DNAL1: variants seen among roughly 807,000 people sequenced by gnomAD.
The protein encoded by DNAL1 is chromosome 14 open reading frame 168.
Under a neutral mutation model 29.4 loss-of-function variants are expected in DNAL1, and 17 were observed. The ratio of observed to expected loss-of-function variants is 0.58; its 90% CI spans 0.40 to 0.87. The LOEUF is 0.87. Ranked by LOEUF, DNAL1 falls within the 40% of genes least tolerant of loss-of-function variation. The pLI is 0.00. For missense variants in DNAL1, 188 were observed against 214.1 expected, an observed-to-expected ratio of 0.88 and a Z score of 0.76; for synonymous variants, 78 against 76.3, an observed-to-expected ratio of 1.02 and a Z score of -0.12.
chr14:73,662,148 CTTG>C, intron 4 of DNAL1, 106 bp downstream of exon 4: 1 of 953,296 alleles, frequency 1.0e-6, no homozygotes, highest in South Asian at 1.6e-5. Context: ...TTTAGCCATA[CTTG>C]TTGTCAGATA....
intron 6 of DNAL1, 88 bp downstream of exon 6, chr14:73,687,473 T>C: frequency 7.2e-7 from 1 of 1,391,222 alleles, no homozygotes; most frequent in Non-Finnish European, 9.4e-7. Context: ...CGAGAACGTT[T>C]ATTTCTAAGC....
At chr14:73,665,316 A>G (rs1210731294) in intron 4 of DNAL1, among the ~76,000 whole-genome samples, 1 of 152,066 alleles carries the variant, frequency 6.6e-6, no homozygotes, top group Non-Finnish European at 1.5e-5. Flanking sequence ...TGTCTATTCT[A>G]ATTTTTTGCT....
At chr14:73,661,033 G>T (rs1039061857) in intron 3 of DNAL1, among the ~76,000 whole-genome samples, 7 of 152,048 alleles carry the variant, frequency 4.6e-5, no homozygotes, top group African/African-American at 1.7e-4. Context: ...TACCTGACTC[G>T]CACACTCATA....
At chr14:73,693,619 G>A (rs1892226786) in intron 7 of DNAL1, among the ~76,000 whole-genome samples, 1 of 152,146 alleles carries the variant, frequency 6.6e-6, no homozygotes, top group South Asian at 2.1e-4. Context: ...GCTGAGGCAG[G>A]AAGATTGCTT....
chr14:73,657,006 A>G (rs1290710589), intron 2 of DNAL1, among the ~76,000 whole-genome samples: 1 of 151,688 alleles, frequency 6.6e-6, no homozygotes, highest in Non-Finnish European at 1.5e-5. Flanking sequence ...CTGGTCTCAA[A>G]CTCCTGAGCT....
rs137963820 is a variant in DNAL1 at position 73,702,420 on chromosome 14, G to A, written c.*6478G>A. On this transcript the variant is annotated 3_prime_UTR_variant, in exon 8 of 8. Transcript: ENST00000553645. Reference sequence around the variant, plus strand: ...CCCAAAGAGCTAGGATTACAGGCACGAGCCACCGCGCACGGCCAGAGGCAT... The same window carrying A: ...CCCAAAGAGCTAGGATTACAGGCACAAGCCACCGCGCACGGCCAGAGGCAT... 19 of 152,198 alleles carry A rather than the reference G, an allele frequency of 1.2e-4. No individual in the cohort carries two copies. The highest frequency in any genetic ancestry group is 4.6e-4 in the African/African-American group (19 of 41,524). 9.4% of individuals were successfully genotyped at this position (152,198 alleles called of 1,614,324 possible).
At position 73,701,673 on chromosome 14, in the gene DNAL1, G is replaced by A. The variant is rs1160467345; in HGVS notation, c.*5731G>A. The A allele has an allele frequency of 6.6e-6, 1 of 152,254 alleles. No individual in the cohort carries two copies. Among genetic ancestry groups the A allele is most frequent in the Non-Finnish European group, 1.5e-5 (1 of 68,046 alleles). The allele number at this position is 152,254 out of a possible 1,614,324, so 9.4% of individuals were successfully genotyped here. A position where few individuals can be genotyped will look rare whatever the true frequency, so the allele number is the denominator to read the frequency against. On this transcript the variant is annotated 3_prime_UTR_variant, in exon 8 of 8. Coordinates refer to ENST00000553645, the MANE Select transcript of DNAL1 (RefSeq NM_031427.4). Reference sequence around the variant, plus strand: ...CCATCAAAAGACTGGTGAGTTGGAAGCTAAGAGCACATGCGCATAGCCAGC... The same window carrying A: ...CCATCAAAAGACTGGTGAGTTGGAAACTAAGAGCACATGCGCATAGCCAGC...
chr14:73,683,043 A>G (rs2140054446), intron 5 of DNAL1, among the ~76,000 whole-genome samples: 1 of 151,922 alleles, frequency 6.6e-6, no homozygotes, highest in South Asian at 2.1e-4. Context: ...CGCCCAGCTA[A>G]TGTTGTATTT....
intron 4 of DNAL1, among the ~76,000 whole-genome samples, chr14:73,668,827 C>A (rs1399422817): frequency 6.6e-6 from 1 of 152,136 alleles, no homozygotes; most frequent in Non-Finnish European, 1.5e-5. Flanking sequence ...CAGGGACACA[C>A]CACCATGCCC....
At chr14:73,685,460 A>T (rs1328135683) in intron 5 of DNAL1, among the ~76,000 whole-genome samples, 9 of 139,604 alleles carry the variant, frequency 6.4e-5, no homozygotes, top group African/African-American at 2.1e-4. Context: ...TTTCTGCTTA[A>T]TTTTTTTTTT....
intron 1 of DNAL1, among the ~76,000 whole-genome samples, chr14:73,648,907 A>G (rs1174799034): frequency 6.7e-6 from 1 of 149,858 alleles, no homozygotes; most frequent in Admixed American, 6.7e-5. Flanking sequence ...ATATATATTA[A>G]TTATTATAAA....
At chr14:73,649,491 C>A (rs1214155750) in intron 1 of DNAL1, among the ~76,000 whole-genome samples, 1 of 150,940 alleles carries the variant, frequency 6.6e-6, no homozygotes, top group East Asian at 1.9e-4. Flanking sequence ...ACCATGATAG[C>A]CAGGATGGTC....
intron 3 of DNAL1, among the ~76,000 whole-genome samples, chr14:73,661,225 C>T (rs1891348608): frequency 6.6e-6 from 1 of 152,094 alleles, no homozygotes; most frequent in African/African-American, 2.4e-5. Flanking sequence ...TAGACATCTT[C>T]CCAAGTCGGT....
intron 5 of DNAL1, among the ~76,000 whole-genome samples, chr14:73,681,138 CT>C (rs766619134): frequency 9.9e-4 from 139 of 140,082 alleles, no homozygotes; most frequent in Non-Finnish European, 1.0e-3. Context: ...TGTTTTTTTG[CT>C]TTTTTTTTTT....
At chr14:73,694,385 G>A (rs1892249287) in intron 7 of DNAL1, among the ~76,000 whole-genome samples, 2 of 152,164 alleles carry the variant, frequency 1.3e-5, no homozygotes, top group South Asian at 4.1e-4. Flanking sequence ...GAGTTTGGGA[G>A]ACGATGAACT....
intron 4 of DNAL1, among the ~76,000 whole-genome samples, chr14:73,667,270 T>C (rs1891509357): frequency 1.3e-5 from 2 of 149,612 alleles, no homozygotes; most frequent in African/African-American, 4.9e-5. Context: ...AAGACCAGCC[T>C]AGCCAACATG....
At position 73,661,950 on chromosome 14, in the gene DNAL1, A is replaced by G. The variant is rs1300199602; in HGVS notation, c.153-37A>G. Reference sequence around the variant, plus strand: ...GAATAATTTCTGATTTACCATTTACATTTTTCACATTAAATTTTTTCTTTG... The same window carrying G: ...GAATAATTTCTGATTTACCATTTACGTTTTTCACATTAAATTTTTTCTTTG... On this transcript the variant is annotated intron_variant, in intron 3 of 7. Transcript: ENST00000553645. The G allele has an allele frequency of 3.5e-6, 5 of 1,419,950 alleles. No individual in the cohort carries two copies. In the South Asian group the frequency reaches 6.5e-5, roughly 18 times the overall value. The allele number at this position is 1,419,950 out of a possible 1,614,324, so 88.0% of individuals were successfully genotyped here.
At chr14:73,687,545 A>G (rs558773547) in intron 6 of DNAL1, among the ~76,000 whole-genome samples, 160 bp downstream of exon 6, 1 of 152,340 alleles carries the variant, frequency 6.6e-6, no homozygotes, top group South Asian at 2.1e-4. Flanking sequence ...AGGAGTTTCT[A>G]AATTTTAAAT....
chr14:73,675,185 TTCTCTC>T (rs150007114), intron 5 of DNAL1, among the ~76,000 whole-genome samples: 3 of 150,086 alleles, frequency 2.0e-5, no homozygotes, highest in Non-Finnish European at 3.0e-5. Flanking sequence ...CTTGTTCTTG[TTCTCTC>T]TCTCTCTCTC....
Sources: gnomAD v4.1 joint callset for allele counts (sites outside exome capture counted in the v4.1 genomes callset) on GRCh38, gnomAD v4.1.1 for gene constraint, MANE v1.5 for transcripts, NCBI Gene and HGNC (gene_info 2026-07-23, HGNC 2026-07-21) for gene names.